RAP1GAP2: variants seen among roughly 807,000 people sequenced by gnomAD.
RAP1GAP2 encodes the protein RAP1 GTPase activating protein 2, also known as rap1 GTPase-activating protein 2.
Under a neutral mutation model 95.0 loss-of-function variants are expected in RAP1GAP2, and 27 were observed. The observed-to-expected ratio is 0.28, with a 90% CI of 0.21 to 0.39. RAP1GAP2 has a LOEUF of 0.39. RAP1GAP2 is among the 10% of genes least tolerant of loss of function. The pLI is 1.00. For missense variants in RAP1GAP2, 771 were observed against 970.0 expected, an observed-to-expected ratio of 0.79 and a Z score of 2.72; for synonymous variants, 373 against 380.9, an observed-to-expected ratio of 0.98 and a Z score of 0.24.
intron 3 of RAP1GAP2, among the ~76,000 whole-genome samples, chr17:2,933,356 AG>A (rs933724800): frequency 6.6e-6 from 1 of 151,848 alleles, no homozygotes; most frequent in African/African-American, 2.4e-5. Flanking sequence ...GGAGTGAGGG[AG>A]GGGGCCAGCC....
chr17:2,844,734 C>T (rs574695607), intron 2 of RAP1GAP2, among the ~76,000 whole-genome samples: 2 of 152,082 alleles, frequency 1.3e-5, no homozygotes, highest in African/African-American at 2.4e-5. Flanking sequence ...CCTTCTGTCA[C>T]GAAGGAAACT....
intron 2 of RAP1GAP2, among the ~76,000 whole-genome samples, chr17:2,888,853 G>T (rs1424464197): frequency 8.6e-5 from 13 of 151,176 alleles, no homozygotes; most frequent in African/African-American, 3.2e-4. Context: ...AGCAGAGGTG[G>T]GGTTTCACCA....
chr17:2,947,826 A>G lies in RAP1GAP2; in HGVS notation c.166-9933A>G, dbSNP rs12150414. Among the ~76,000 whole-genome samples the G allele has an allele frequency of 5.0e-3, 740 of 148,896 alleles. 5 individuals carry two copies. Among genetic ancestry groups the G allele is most frequent in the Non-Finnish European group, 7.1e-3 (473 of 66,894 alleles). On this transcript the variant is annotated intron_variant, in intron 3 of 24. Coordinates refer to ENST00000254695, the MANE Select transcript of RAP1GAP2 (RefSeq NM_015085.5). ...AGCTTTCCAGAAACGGGTTTAGAGA[A>G]CTCTCCAGAAATCCTTTTCCTTGGT... is the stretch of plus-strand genomic sequence containing the variant.
Position 3,013,627 on chromosome 17 carries a change from CTTTTCTTTT to C in RAP1GAP2, c.1495-4429_1495-4421del, listed in dbSNP as rs1275133978. 8.9e-3 allele frequency among the ~76,000 whole-genome samples: 704 copies of C among 78,926 alleles called. 8 individuals are homozygous for C. Among genetic ancestry groups the C allele is most frequent in the African/African-American group, 0.035 (662 of 18,838 alleles). 51.8% of individuals were successfully genotyped at this position (78,926 alleles called of 152,430 possible). On this transcript the variant is annotated intron_variant, in intron 17 of 24. Transcript: ENST00000254695. Reference sequence around the variant, plus strand: ...AGCCTCTGAGTTTTTCTTTTCTTTTCTTTTCTTTTTTTTTTTTTTTTTTTTTGGTGGGAG... The same window carrying C: ...AGCCTCTGAGTTTTTCTTTTCTTTTCTTTTTTTTTTTTTTTTTGGTGGGAG...
chr17:2,969,123 CATTT>C (rs1408783918), intron 8 of RAP1GAP2, among the ~76,000 whole-genome samples: 30 of 151,114 alleles, frequency 2.0e-4, no homozygotes, highest in Non-Finnish European at 3.4e-4. Flanking sequence ...TTAGAAATGA[CATTT>C]ATTCATCTCA....
chr17:2,920,382 C>T (rs1402907908), intron 3 of RAP1GAP2, among the ~76,000 whole-genome samples: 2 of 152,182 alleles, frequency 1.3e-5, no homozygotes, highest in South Asian at 2.1e-4. Context: ...CCCCAACCCC[C>T]GCCCCAGGCA....
chr17:2,981,694 C>A (rs367876700), intron 10 of RAP1GAP2, among the ~76,000 whole-genome samples: 1 of 152,142 alleles, frequency 6.6e-6, no homozygotes. Context: ...TGCAGCTCTC[C>A]GGCCATATAA....
At chr17:2,975,594 C>G (rs554100574) in intron 8 of RAP1GAP2, among the ~76,000 whole-genome samples, 1 of 152,360 alleles carries the variant, frequency 6.6e-6, no homozygotes, top group East Asian at 1.9e-4. Flanking sequence ...CACCCGGGCT[C>G]TCTTCACCCT....
rs879226258 is a variant in RAP1GAP2, at chr17:3,037,377, C to CCCCCCCCCCCCCCCCG, written c.*4016_*4017insCCCCCCCCCCCCCCCG. On this transcript the variant is annotated 3_prime_UTR_variant, in exon 25 of 25. Coordinates refer to ENST00000254695, the MANE Select transcript of RAP1GAP2 (RefSeq NM_015085.5). ...GAAGTGTGAACTACCCCCCCCCCCC[C>CCCCCCCCCCCCCCCCG]GCTTCCTGCTCCTTAGCATGCGTGC... 3.6e-5 allele frequency: 2 copies of CCCCCCCCCCCCCCCCG among 54,900 alleles called. No homozygotes were observed. Among genetic ancestry groups the CCCCCCCCCCCCCCCCG allele is most frequent in the Non-Finnish European group, 5.6e-5 (1 of 17,974 alleles). 3.4% of individuals were successfully genotyped at this position (54,900 alleles called of 1,614,324 possible). A position where few individuals can be genotyped will look rare whatever the true frequency, so the allele number is the denominator to read the frequency against.
chr17:2,765,861 C>T (rs780001442), intron 1 of RAP1GAP2, among the ~76,000 whole-genome samples: 3 of 151,932 alleles, frequency 2.0e-5, no homozygotes, highest in Non-Finnish European at 2.9e-5. Context: ...CCCAGCTACT[C>T]GGGAGGCTGA....
At chr17:2,971,320 C>T (rs1161129487) in intron 8 of RAP1GAP2, among the ~76,000 whole-genome samples, 1 of 151,988 alleles carries the variant, frequency 6.6e-6, no homozygotes, top group Non-Finnish European at 1.5e-5. Context: ...GGAATAGAAG[C>T]TGCAGTTACA....
At chr17:3,020,865 T>G (rs902772169) in intron 19 of RAP1GAP2, among the ~76,000 whole-genome samples, 1 of 152,248 alleles carries the variant, frequency 6.6e-6, no homozygotes, top group African/African-American at 2.4e-5. Context: ...TTCTTGTTTC[T>G]TTGCCTCCTT....
chr17:2,809,901 C>T (rs1053801947), intron 2 of RAP1GAP2, among the ~76,000 whole-genome samples: 7 of 152,080 alleles, frequency 4.6e-5, no homozygotes, highest in African/African-American at 1.2e-4. Flanking sequence ...TGTCTGGGAG[C>T]GGGGTGGCAC....
chr17:3,015,029 A>G (rs1192991889), intron 17 of RAP1GAP2, among the ~76,000 whole-genome samples: 1 of 152,190 alleles, frequency 6.6e-6, no homozygotes, highest in Non-Finnish European at 1.5e-5. Context: ...ATTTTAAAAA[A>G]GGAAGCTCGC....
rs757352713 is a variant in RAP1GAP2 at position 3,003,597 on chromosome 17, C to T, written c.1201-1772C>T. Among the ~76,000 whole-genome samples the T allele has an allele frequency of 1.3e-5, 2 of 152,248 alleles. No individual in the cohort carries two copies. Among genetic ancestry groups the T allele is most frequent in the East Asian group, 1.9e-4 (1 of 5,192 alleles). On this transcript the variant is annotated intron_variant, in intron 14 of 24. Transcript: ENST00000254695. This position sits in a 1 kb window ranked among gnomAD's most constrained non-coding sequence, Gnocchi z 4.1. ...CTTTCTGAGGTTCCCAGTGCATCCTCATGACCCACACCAAGCTCCTTCCTC... is the reference window on the plus strand; with the variant it reads ...CTTTCTGAGGTTCCCAGTGCATCCTTATGACCCACACCAAGCTCCTTCCTC...
chr17:2,847,934 A>G (rs949869491), intron 2 of RAP1GAP2, among the ~76,000 whole-genome samples: 3 of 152,272 alleles, frequency 2.0e-5, no homozygotes, highest in African/African-American at 7.2e-5. Flanking sequence ...GGGAAAAATT[A>G]CTGTAGTCAT....
chr17:2,874,663 A>G (rs113857428), intron 2 of RAP1GAP2, among the ~76,000 whole-genome samples: 1 of 152,286 alleles, frequency 6.6e-6, no homozygotes, highest in African/African-American at 2.4e-5. Context: ...GGAGGAAATG[A>G]GACGGTAGGT....
chr17:2,911,538 G>A (rs1322801135), intron 3 of RAP1GAP2, among the ~76,000 whole-genome samples: 3 of 151,984 alleles, frequency 2.0e-5, no homozygotes, highest in Non-Finnish European at 2.9e-5. Context: ...GGGTCACATC[G>A]AAGCTGCAGT....
intron 19 of RAP1GAP2, among the ~76,000 whole-genome samples, chr17:3,021,966 A>G (rs1450677322): frequency 6.6e-6 from 1 of 152,334 alleles, no homozygotes; most frequent in African/African-American, 2.4e-5. Flanking sequence ...GACCTCTTCC[A>G]TGTACTGATT....
Sources: allele counts gnomAD v4.1 joint callset (sites outside exome capture counted in the v4.1 genomes callset), GRCh38; gene constraint gnomAD v4.1.1; non-coding constraint Gnocchi (gnomAD v3.1); transcripts MANE v1.5; gene names NCBI Gene and HGNC (gene_info 2026-07-23, HGNC 2026-07-21).